The following LRMDA variants were observed in gnomAD, a reference collection of about 807,000 sequenced individuals.
LRMDA encodes leucine rich melanocyte differentiation associated.
A neutral mutation model predicts 29.8 loss-of-function variants in LRMDA; 18 were observed. The observed-to-expected ratio is 0.60, with a 90% CI of 0.42 to 0.90. The LOEUF (loss-of-function observed/expected upper bound fraction) is 0.90. LRMDA is among the 40% of genes least tolerant of loss of function. LRMDA has a pLI of 0.00. For missense variants in LRMDA, 273 were observed against 273.9 expected, an observed-to-expected ratio of 1.00 and a Z score of 0.02; for synonymous variants, 125 against 109.4, an observed-to-expected ratio of 1.14 and a Z score of -0.89.
intron 5 of LRMDA, among the ~76,000 whole-genome samples, chr10:76,104,324 T>C (rs540000033): frequency 6.6e-6 from 1 of 152,312 alleles, no homozygotes; most frequent in African/African-American, 2.4e-5. Context: ...TCCCTTGCTC[T>C]GTGTCCTGGG....
chr10:76,255,359 T>C (rs1333755194), intron 5 of LRMDA, among the ~76,000 whole-genome samples: 1 of 152,184 alleles, frequency 6.6e-6, no homozygotes, highest in African/African-American at 2.4e-5. Context: ...TGCTTGATGA[T>C]TGTGTGTTGC....
intron 6 of LRMDA, among the ~76,000 whole-genome samples, chr10:76,515,863 G>T (rs1843055834): frequency 6.6e-6 from 1 of 152,094 alleles, no homozygotes; most frequent in Non-Finnish European, 1.5e-5. Context: ...GCATTTCTGG[G>T]TCAGCTAGAA....
At chr10:76,118,199 T>A (rs1849699266) in intron 5 of LRMDA, among the ~76,000 whole-genome samples, 1 of 152,222 alleles carries the variant, frequency 6.6e-6, no homozygotes, top group African/African-American at 2.4e-5. Flanking sequence ...TTGTGAATGA[T>A]GTACATTCAT....
chr10:76,391,322 T>C (rs747132703), intron 6 of LRMDA, among the ~76,000 whole-genome samples: 6 of 152,202 alleles, frequency 3.9e-5, no homozygotes, highest in Non-Finnish European at 7.4e-5. Flanking sequence ...ATCATGTCCC[T>C]GACAGATAGC....
intron 2 of LRMDA, among the ~76,000 whole-genome samples, chr10:75,670,386 A>ATT (rs11417572): frequency 9.9e-5 from 15 of 152,096 alleles, no homozygotes; most frequent in African/African-American, 2.7e-4. Flanking sequence ...TAACCAGAGC[A>ATT]TTTTTTTTAA....
At chr10:76,431,290 G>A (rs1269466577) in intron 6 of LRMDA, among the ~76,000 whole-genome samples, 1 of 152,124 alleles carries the variant, frequency 6.6e-6, no homozygotes, top group African/African-American at 2.4e-5. Context: ...GATGCGAACG[G>A]GCCCATAACT....
intron 2 of LRMDA, among the ~76,000 whole-genome samples, chr10:75,492,944 G>A (rs1053767624): frequency 2.6e-5 from 4 of 152,174 alleles, no homozygotes; most frequent in African/African-American, 9.7e-5. Flanking sequence ...ATTGAACAAA[G>A]CTCATTGAAG....
At chr10:76,180,031 G>A (rs1020369404) in intron 5 of LRMDA, among the ~76,000 whole-genome samples, 9 of 152,146 alleles carry the variant, frequency 5.9e-5, no homozygotes, top group African/African-American at 1.2e-4. Context: ...GTTAGCTTTC[G>A]CTGTTGTGGA....
chr10:76,061,616 G>A (rs1342801689), intron 5 of LRMDA, among the ~76,000 whole-genome samples: 1 of 152,190 alleles, frequency 6.6e-6, no homozygotes, highest in East Asian at 1.9e-4. Context: ...GTAGTCACAT[G>A]ATTTCCAGAC....
At chr10:76,473,661 G>T (rs1366514367) in intron 6 of LRMDA, among the ~76,000 whole-genome samples, 1 of 151,216 alleles carries the variant, frequency 6.6e-6, no homozygotes, top group East Asian at 1.9e-4. Flanking sequence ...ACAAATAAAT[G>T]AGTTCAGTAA....
At chr10:76,326,363 C>T (rs1381379962) in intron 6 of LRMDA, among the ~76,000 whole-genome samples, 1 of 152,208 alleles carries the variant, frequency 6.6e-6, no homozygotes, top group Non-Finnish European at 1.5e-5. Flanking sequence ...AATACTATCT[C>T]ATTTTTTTAG....
chr10:76,384,700 G>A (rs946641983), intron 6 of LRMDA, among the ~76,000 whole-genome samples: 2 of 152,142 alleles, frequency 1.3e-5, no homozygotes, highest in African/African-American at 4.8e-5. Flanking sequence ...TCTTTAGTAC[G>A]TAAAGTCTAG....
At chr10:75,886,492 T>C (rs2132349134) in intron 2 of LRMDA, among the ~76,000 whole-genome samples, 1 of 152,310 alleles carries the variant, frequency 6.6e-6, no homozygotes, top group East Asian at 1.9e-4. Flanking sequence ...TATTAAAATA[T>C]TGATGATCTT....
intron 1 of LRMDA, among the ~76,000 whole-genome samples, chr10:75,432,419 C>T (rs865884119): frequency 2.6e-5 from 4 of 152,240 alleles, no homozygotes; most frequent in Non-Finnish European, 5.9e-5. Flanking sequence ...ATCCTGGGTG[C>T]CAGACACCCA....
chr10:75,881,371 G>A (rs888307451), intron 2 of LRMDA, among the ~76,000 whole-genome samples: 3 of 152,144 alleles, frequency 2.0e-5, no homozygotes, highest in African/African-American at 7.2e-5. Context: ...AGATCTGGAG[G>A]CAGGGAACCT....
intron 2 of LRMDA, among the ~76,000 whole-genome samples, chr10:75,696,749 G>T (rs1842240258): frequency 6.6e-6 from 1 of 152,124 alleles, no homozygotes; most frequent in Non-Finnish European, 1.5e-5. Context: ...GATGCAATCT[G>T]GTTTCCTTGA....
intron 2 of LRMDA, among the ~76,000 whole-genome samples, chr10:75,982,551 TG>T (rs1847191498): frequency 6.6e-6 from 1 of 152,110 alleles, no homozygotes; most frequent in South Asian, 2.1e-4. Flanking sequence ...ATTGGTTGGG[TG>T]GCAAAAAGTA....
intron 2 of LRMDA, among the ~76,000 whole-genome samples, chr10:76,014,108 A>AG (rs1564630410): frequency 3.9e-4 from 47 of 121,162 alleles, no homozygotes; most frequent in Admixed American, 3.4e-4. Context: ...AAAAAAAAGT[A>AG]TATATATATA....
intron 5 of LRMDA, among the ~76,000 whole-genome samples, chr10:76,245,391 G>T (rs1040052133): frequency 6.6e-6 from 1 of 152,160 alleles, no homozygotes; most frequent in Non-Finnish European, 1.5e-5. Context: ...TAAGGTAGTG[G>T]TGTTTGTTTT....
Sources: gnomAD v4.1 joint callset for allele counts (sites outside exome capture counted in the v4.1 genomes callset) on GRCh38, gnomAD v4.1.1 for gene constraint, MANE v1.5 for transcripts, NCBI Gene and HGNC (gene_info 2026-07-23, HGNC 2026-07-21) for gene names.